Variants in TMTC1 observed in about 807,000 individuals in gnomAD.
TMTC1 encodes protein O-mannosyl-transferase TMTC1.
Under a neutral mutation model 104.8 loss-of-function variants are expected in TMTC1, and 73 were observed. That is an observed-to-expected ratio of 0.70 (90% CI 0.58 to 0.85). TMTC1 has a LOEUF of 0.85. Ranked by LOEUF, TMTC1 falls within the 40% of genes least tolerant of loss-of-function variation. The pLI, the probability that TMTC1 is intolerant of heterozygous loss-of-function variation, is 0.00. For synonymous variants in TMTC1, 434 were observed against 428.7 expected, an observed-to-expected ratio of 1.01 and a Z score of -0.15; for missense variants, 1,035 against 1,096.1, an observed-to-expected ratio of 0.94 and a Z score of 0.79.
intron 5 of TMTC1, among the ~76,000 whole-genome samples, chr12:29,748,705 T>C (rs1213919272): frequency 6.6e-6 from 1 of 152,226 alleles, no homozygotes; most frequent in African/African-American, 2.4e-5. Context: ...AGTTGGATAA[T>C]AGAAAGTTTT....
intron 5 of TMTC1, among the ~76,000 whole-genome samples, chr12:29,678,516 A>T (rs1456519427): frequency 6.6e-6 from 1 of 152,224 alleles, no homozygotes; most frequent in East Asian, 1.9e-4. Flanking sequence ...ATGCAGAGCC[A>T]CAAGATTGAG....
At chr12:29,535,905 T>C (rs963402658) in intron 11 of TMTC1, 1 of 285,114 alleles carries the variant, frequency 3.5e-6, no homozygotes, top group African/African-American at 2.3e-5. Context: ...AGAAAAATAT[T>C]ACAAGTAAGT....
chr12:29,600,322 A>G (rs1263788605), intron 7 of TMTC1, among the ~76,000 whole-genome samples: 1 of 152,112 alleles, frequency 6.6e-6, no homozygotes, highest in Non-Finnish European at 1.5e-5. Flanking sequence ...GGGACAGCTC[A>G]TCACTGGTAG....
intron 5 of TMTC1, among the ~76,000 whole-genome samples, chr12:29,639,950 C>G (rs891817435): frequency 6.6e-6 from 1 of 152,158 alleles, no homozygotes; most frequent in African/African-American, 2.4e-5. Context: ...AAGGCTGGTA[C>G]TAGAAAGCCA....
chr12:29,588,842 G>T (rs1394383926), intron 7 of TMTC1, among the ~76,000 whole-genome samples: 1 of 151,860 alleles, frequency 6.6e-6, no homozygotes, highest in African/African-American at 2.4e-5. Context: ...TTTAACCCAT[G>T]AAAACACTAA....
At chr12:29,702,934 C>A (rs761141013) in intron 5 of TMTC1, among the ~76,000 whole-genome samples, 3 of 152,106 alleles carry the variant, frequency 2.0e-5, no homozygotes, top group African/African-American at 7.2e-5. Context: ...CACCTGAGGT[C>A]AGGAGATCAA....
rs531943567 is a variant in TMTC1 at position 29,694,770 on chromosome 12, T to C, written c.938+56896A>G. Among the ~76,000 whole-genome samples the C allele has an allele frequency of 5.8e-4, 88 of 152,168 alleles. 2 individuals carry two copies. The South Asian group carries it at 0.018, about 32-fold the overall frequency. On this transcript the variant is annotated intron_variant, in intron 5 of 17. Coordinates refer to ENST00000539277, the MANE Select transcript of TMTC1 (RefSeq NM_001193451.2). ...GCCTGGCCAACATGGTGAAACACCG[T>C]CTCTACTAAGAATACAAAAATTAGC...
At position 29,597,151 on chromosome 12, in the gene TMTC1, C is replaced by T. The variant is rs1284303895; in HGVS notation, c.1250+7027G>A. ...GTGGCCCTCTCAGTGTCCAGGGCCT[C>T]ATTTCCTCCTGACGTTCCTAGTGGC... On this transcript the variant is annotated intron_variant, in intron 7 of 17. Transcript: ENST00000539277. 3.1e-4 allele frequency among the ~76,000 whole-genome samples: 47 copies of T among 152,048 alleles called. 1 individual carries two copies.
chr12:29,511,013 T>C (rs1943818987), intron 17 of TMTC1, among the ~76,000 whole-genome samples: 2 of 152,154 alleles, frequency 1.3e-5, no homozygotes, highest in African/African-American at 4.8e-5. Context: ...CACGTGCTTG[T>C]GCTCTTTCCC....
chr12:29,505,160 T>G lies in TMTC1; in HGVS notation c.*1686A>C, dbSNP rs1943670826. The G allele has an allele frequency of 6.6e-6, 1 of 152,228 alleles. No homozygotes were observed. The highest frequency in any genetic ancestry group is 2.4e-5 in the African/African-American group (1 of 41,462). The allele number at this position is 152,228 out of a possible 1,614,324, so 9.4% of individuals were successfully genotyped here. ...GCCTTCCGAAGAAGTTTTTCTTGTTTATTTAGACTTACCTTGACAAAACAA... is the reference window on the plus strand; with the variant it reads ...GCCTTCCGAAGAAGTTTTTCTTGTTGATTTAGACTTACCTTGACAAAACAA... On this transcript the variant is annotated 3_prime_UTR_variant, in exon 18 of 18. Transcript: ENST00000539277.
At chr12:29,597,922 T>C (rs375330459) in intron 7 of TMTC1, among the ~76,000 whole-genome samples, 1 of 152,206 alleles carries the variant, frequency 6.6e-6, no homozygotes, top group East Asian at 1.9e-4. Flanking sequence ...CATAGTTTTA[T>C]AAAACTGCAT....
chr12:29,572,270 C>T, intron 8 of TMTC1, 52 bp from the exon 9 acceptor site: 1 of 1,401,666 alleles, frequency 7.1e-7, no homozygotes, highest in Non-Finnish European at 1.0e-6. Flanking sequence ...ATATTATTGT[C>T]AGATTCCTTT....
At chr12:29,601,512 A>G (rs1277254314) in intron 7 of TMTC1, among the ~76,000 whole-genome samples, 2 of 152,172 alleles carry the variant, frequency 1.3e-5, no homozygotes, top group African/African-American at 4.8e-5. Context: ...TCACCACATG[A>G]GTTGAGCCGA....
intron 17 of TMTC1, 133 bp downstream of exon 17, chr12:29,511,910 T>G (rs1943847984): frequency 1.1e-6 from 1 of 884,048 alleles, no homozygotes; most frequent in Non-Finnish European, 1.9e-6. Context: ...ACTTTTAAAC[T>G]GCCATACTTT....
At chr12:29,716,012 T>G (rs893757429) in intron 5 of TMTC1, among the ~76,000 whole-genome samples, 2 of 147,940 alleles carry the variant, frequency 1.4e-5, no homozygotes, top group African/African-American at 2.5e-5. Context: ...TTATTATTAT[T>G]ATTATTATTA....
chr12:29,656,838 A>G (rs1163850284), intron 5 of TMTC1, among the ~76,000 whole-genome samples: 1 of 152,196 alleles, frequency 6.6e-6, no homozygotes, highest in African/African-American at 2.4e-5. Flanking sequence ...ATTTTGCCAC[A>G]GGTTCCACCA....
chr12:29,705,490 C>CAGTCACTGG (rs1311365977), intron 5 of TMTC1, among the ~76,000 whole-genome samples: 1 of 152,164 alleles, frequency 6.6e-6, no homozygotes, highest in African/African-American at 2.4e-5. Context: ...AAGGAGGACT[C>CAGTCACTGG]AGTCACTGGA....
chr12:29,697,647 G>C (rs572253739), intron 5 of TMTC1, among the ~76,000 whole-genome samples: 1 of 152,334 alleles, frequency 6.6e-6, no homozygotes, highest in South Asian at 2.1e-4. Flanking sequence ...TCTAGCCCAA[G>C]GACTGGCGGG....
chr12:29,626,124 T>C (rs1245119445), intron 6 of TMTC1, among the ~76,000 whole-genome samples: 1 of 152,170 alleles, frequency 6.6e-6, no homozygotes, highest in Non-Finnish European at 1.5e-5. Context: ...ATTTAGATAA[T>C]AAATAAATAA....
Sources: gnomAD v4.1 joint callset for allele counts (sites outside exome capture counted in the v4.1 genomes callset) on GRCh38, gnomAD v4.1.1 for gene constraint, MANE v1.5 for transcripts, NCBI Gene and HGNC (gene_info 2026-07-23, HGNC 2026-07-21) for gene names.